CRTAC1: variants seen among roughly 807,000 people sequenced by gnomAD.
CRTAC1 encodes cartilage acidic protein 1, also known as acidic secreted protein in cartilage.
In CRTAC1, 37 loss-of-function variants were observed where a neutral mutation model predicts 67.8. The ratio of observed to expected loss-of-function variants is 0.55; its 90% confidence interval spans 0.42 to 0.72. The LOEUF is 0.72. Among genes scored for constraint, CRTAC1 ranks in the 30% least tolerant of loss-of-function variants. The pLI is 0.00. For synonymous variants in CRTAC1, 348 were observed against 371.0 expected (o/e 0.94, Z 0.71); for missense variants, 780 against 931.6 (o/e 0.84, Z 2.12).
At chr10:98,018,804 G>C (rs1396399238) in intron 1 of CRTAC1, among the ~76,000 whole-genome samples, 1 of 148,258 alleles carries the variant, frequency 6.7e-6, no homozygotes. Flanking sequence ...GAAGGAGAGA[G>C]GCAGCCACGG....
chr10:98,014,171 T>C (rs7909563), intron 1 of CRTAC1, among the ~76,000 whole-genome samples: 2,364 of 152,314 alleles, frequency 0.016, 74 homozygotes, highest in African/African-American at 0.051. Flanking sequence ...ATTTAAATGC[T>C]CTTCTCCACC....
intron 2 of CRTAC1, among the ~76,000 whole-genome samples, chr10:97,943,889 C>A (rs1311734930): frequency 6.6e-6 from 1 of 152,194 alleles, no homozygotes; most frequent in East Asian, 1.9e-4. Context: ...ATTGCCAATC[C>A]CTGGTCTCCA....
intron 3 of CRTAC1, among the ~76,000 whole-genome samples, chr10:97,934,187 C>T (rs1470629590): frequency 6.6e-6 from 1 of 152,186 alleles, no homozygotes; most frequent in Non-Finnish European, 1.5e-5. Flanking sequence ...GGACTCACCC[C>T]TTCTATAGGC....
At chr10:97,915,556 C>T (rs994582905) in intron 5 of CRTAC1, among the ~76,000 whole-genome samples, 5 of 152,292 alleles carry the variant, frequency 3.3e-5, no homozygotes, top group East Asian at 1.9e-4. Context: ...TGGCCACGCG[C>T]CCAAAGCCTC....
At chr10:97,923,132 G>T in intron 4 of CRTAC1, 132 bp downstream of exon 4, 1 of 945,944 alleles carries the variant, frequency 1.1e-6, no homozygotes, top group South Asian at 1.6e-5. Flanking sequence ...AGTCTTAGTT[G>T]TTGGTATTTA....
chr10:97,990,431 C>T (rs1457171710), intron 2 of CRTAC1, among the ~76,000 whole-genome samples: 1 of 152,168 alleles, frequency 6.6e-6, no homozygotes, highest in Non-Finnish European at 1.5e-5. Flanking sequence ...TTATATATCA[C>T]CTCTTGATTA....
chr10:97,967,440 T>C (rs973525213), intron 2 of CRTAC1, among the ~76,000 whole-genome samples: 2 of 152,216 alleles, frequency 1.3e-5, no homozygotes, highest in African/African-American at 4.8e-5. Context: ...TGTTTCCTTT[T>C]GCTGGAGAAT....
chr10:97,964,400 T>C (rs1374619825), intron 2 of CRTAC1, among the ~76,000 whole-genome samples: 2 of 152,234 alleles, frequency 1.3e-5, no homozygotes, highest in Non-Finnish European at 2.9e-5. Context: ...CCTGCAGCAA[T>C]GCAGAGGAGT....
intron 2 of CRTAC1, among the ~76,000 whole-genome samples, chr10:97,949,540 C>G (rs565215231): frequency 1.3e-5 from 2 of 152,254 alleles, no homozygotes; most frequent in Admixed American, 6.5e-5. Context: ...CCCAACCCTA[C>G]GGAGTGTCTT....
At chr10:97,949,915 G>GT (rs572451181) in intron 2 of CRTAC1, among the ~76,000 whole-genome samples, 2 of 152,314 alleles carry the variant, frequency 1.3e-5, no homozygotes, top group South Asian at 4.1e-4. Flanking sequence ...GTAAACACTG[G>GT]TTAATATGTC....
intron 5 of CRTAC1, among the ~76,000 whole-genome samples, chr10:97,910,317 A>G (rs529172574): frequency 6.6e-6 from 1 of 152,314 alleles, no homozygotes; most frequent in Admixed American, 6.5e-5. Flanking sequence ...AGCTGTATGA[A>G]AGGGCTCTGT....
intron 11 of CRTAC1, among the ~76,000 whole-genome samples, chr10:97,886,412 GAGAGGCTCGGAGAC>G (rs1386690387): frequency 6.6e-6 from 1 of 152,232 alleles, no homozygotes; most frequent in Non-Finnish European, 1.5e-5. Context: ...AGCAGCAACG[GAGAGGCTCGGAGAC>G]AGAGGCTCAT....
intron 14 of CRTAC1, chr10:97,879,704 G>A (rs932762815): frequency 6.5e-7 from 1 of 1,549,944 alleles, no homozygotes; most frequent in African/African-American, 1.4e-5. Flanking sequence ...ATAACTGAAG[G>A]CAAAGTCCAA....
chr10:97,878,557 T>C, intron 14 of CRTAC1: 1 of 1,259,760 alleles, frequency 7.9e-7, no homozygotes, highest in Non-Finnish European at 1.0e-6. Context: ...ATCTATGTTT[T>C]ATAACAAGCC....
intron 2 of CRTAC1, among the ~76,000 whole-genome samples, chr10:97,971,105 C>T (rs535791067): frequency 4.6e-5 from 7 of 152,302 alleles, no homozygotes; most frequent in East Asian, 3.9e-4. Flanking sequence ...CTGACAAGCA[C>T]ACTTATACTC....
At position 98,030,344 on chromosome 10, in the gene CRTAC1, C is replaced by T. The variant is rs1843345876; in HGVS notation, c.24+105G>A. ...TTCGCGATCCCAGTCTTCCCGGGTTCCCGGGCGGCGTCCCCGCCACCCTTG... is the reference window on the plus strand; with the variant it reads ...TTCGCGATCCCAGTCTTCCCGGGTTTCCGGGCGGCGTCCCCGCCACCCTTG... On this transcript the variant is annotated intron_variant, in intron 1 of 14. Coordinates refer to ENST00000370597, the MANE Select transcript of CRTAC1 (RefSeq NM_018058.7). This position sits in a 1 kb window ranked among gnomAD's most constrained non-coding sequence, Gnocchi z 4.2. 4.2e-6 allele frequency: 3 copies of T among 710,482 alleles called. No homozygotes were observed. Among genetic ancestry groups the T allele is most frequent in the Admixed American group, 4.4e-5 (1 of 22,580 alleles). 44.0% of individuals were successfully genotyped at this position (710,482 alleles called of 1,614,324 possible).
In CRTAC1 at chr10:98,011,320, C is replaced by A. The variant is rs780537531; in HGVS notation, c.42G>T (p.Pro14=). Residue 14 remains proline (P), a synonymous_variant, in exon 2 of 15, where the codon CCG becomes CCT. Coordinates refer to ENST00000370597, the MANE Select transcript of CRTAC1 (RefSeq NM_018058.7). The part of the protein sequence containing the change: ...SADPGMSRML[P]FLLLLWFLPI... ...GCAGAAACCAGAGCAGCAGCAGGAA[C>A]GGTAACATCCTGGACATCTGAAACC... 1 of 1,613,944 alleles carries A rather than the reference C, an allele frequency of 6.2e-7. No individual in the cohort carries two copies. The highest frequency in any genetic ancestry group is 2.2e-5 in the East Asian group (1 of 44,882).
In CRTAC1 at chr10:97,901,495, G is replaced by A. The variant is rs1191260811; in HGVS notation, c.1133+8C>T. 4.3e-6 allele frequency: 7 copies of A among 1,614,010 alleles called. No homozygotes were observed. Among genetic ancestry groups the A allele is most frequent in the African/African-American group, 1.3e-5 (1 of 74,950 alleles). ...ATGAAGAGCCACGAGCCAGGATGGA[G>A]CATCTACCGGAAGAGGCGGTTGGCT... On this transcript the variant is annotated splice_region_variant and intron_variant, in intron 8 of 14. Coordinates refer to ENST00000370597, the MANE Select transcript of CRTAC1 (RefSeq NM_018058.7).
intron 2 of CRTAC1, among the ~76,000 whole-genome samples, chr10:97,977,772 A>G (rs1299626917): frequency 1.3e-5 from 2 of 152,192 alleles, no homozygotes; most frequent in Admixed American, 6.5e-5. Flanking sequence ...AAATAACTCA[A>G]CAAGTTCCCT....
Sources: gnomAD v4.1 joint callset for allele counts (sites outside exome capture counted in the v4.1 genomes callset) on GRCh38, gnomAD v4.1.1 for gene constraint, Gnocchi (gnomAD v3.1) non-coding constraint, MANE v1.5 for transcripts, NCBI Gene and HGNC (gene_info 2026-07-23, HGNC 2026-07-21) for gene names.